The following CNTN5 variants were observed in gnomAD, a reference collection of about 807,000 sequenced individuals.
CNTN5 encodes contactin-5.
A neutral mutation model predicts 129.1 loss-of-function variants in CNTN5; 77 were observed. The observed-to-expected ratio is 0.60, with a 90% confidence interval of 0.50 to 0.72. The LOEUF (loss-of-function observed/expected upper bound fraction) is 0.72, where lower values mean the gene tolerates loss of function less well. Among genes scored for constraint, CNTN5 ranks in the 30% least tolerant of loss-of-function variants. CNTN5 has a pLI of 0.00. For synonymous variants in CNTN5, 509 were observed against 465.6 expected (o/e 1.09, Z -1.20); for missense variants, 1,478 against 1,328.8 (o/e 1.11, Z -1.75).
intron 7 of CNTN5, among the ~76,000 whole-genome samples, chr11:99,938,201 G>A (rs1366930519): frequency 2.0e-5 from 3 of 152,114 alleles, no homozygotes; most frequent in Admixed American, 2.0e-4. Flanking sequence ...GACTCCCTAT[G>A]CTTGGAAAGT....
intron 3 of CNTN5, among the ~76,000 whole-genome samples, chr11:99,773,054 GA>G (rs932627536): frequency 6.6e-6 from 1 of 151,882 alleles, no homozygotes; most frequent in African/African-American, 2.4e-5. Flanking sequence ...CATAACTGTG[GA>G]ACCAACAACC....
chr11:100,077,521 A>G (rs1944178574), intron 13 of CNTN5, among the ~76,000 whole-genome samples: 1 of 152,104 alleles, frequency 6.6e-6, no homozygotes, highest in African/African-American at 2.4e-5. Context: ...ATAATAGTAT[A>G]TTATGAAAGA....
chr11:100,198,502 C>G (rs1484698881), intron 15 of CNTN5, among the ~76,000 whole-genome samples: 1 of 151,790 alleles, frequency 6.6e-6, no homozygotes, highest in Non-Finnish European at 1.5e-5. Flanking sequence ...GCTACCTGAC[C>G]TAGACCTCAG....
chr11:99,775,357 G>T (rs180867829), intron 3 of CNTN5, among the ~76,000 whole-genome samples: 1,704 of 151,708 alleles, frequency 0.011, 31 homozygotes, highest in African/African-American at 0.039. Flanking sequence ...ATTTCCTGGG[G>T]ATAAATGGTT....
chr11:99,280,250 G>A (rs1863633995), intron 1 of CNTN5, among the ~76,000 whole-genome samples: 1 of 151,444 alleles, frequency 6.6e-6, no homozygotes, highest in Non-Finnish European at 1.5e-5. Context: ...CCAAAACAAA[G>A]GAATAAATGG....
intron 7 of CNTN5, among the ~76,000 whole-genome samples, chr11:99,947,194 C>T (rs185115490): frequency 4.5e-4 from 68 of 151,094 alleles, no homozygotes; most frequent in Middle Eastern, 3.4e-3. Flanking sequence ...ACTAGCATAA[C>T]TTGTACCAAT....
rs541578431 is a variant in CNTN5, at chr11:99,274,976, T to A, written c.-209-50370T>A. Among the ~76,000 whole-genome samples, 8 of 151,686 alleles carry A rather than the reference T, an allele frequency of 5.3e-5. No individual in the cohort carries two copies. The South Asian group carries it at 1.7e-3, about 31-fold the overall frequency. On this transcript the variant is annotated intron_variant, in intron 1 of 24. Transcript: ENST00000524871. ...TCAAAATAGTATTGATAGTTTATAATTTGAAAGTACAAAATAATGCAAGTA... is the reference window on the plus strand; with the variant it reads ...TCAAAATAGTATTGATAGTTTATAAATTGAAAGTACAAAATAATGCAAGTA...
chr11:99,756,696 A>G (rs190587723), intron 3 of CNTN5, among the ~76,000 whole-genome samples: 92 of 152,118 alleles, frequency 6.0e-4, no homozygotes, highest in African/African-American at 2.0e-3. Flanking sequence ...AAACTTTACA[A>G]TTTTGCAGAT....
chr11:99,260,113 G>A (rs1180597300), intron 1 of CNTN5, among the ~76,000 whole-genome samples: 1 of 151,626 alleles, frequency 6.6e-6, no homozygotes, highest in Non-Finnish European at 1.5e-5. Context: ...TTTTAAATCT[G>A]TATGTAGTCT....
intron 3 of CNTN5, among the ~76,000 whole-genome samples, chr11:99,678,965 CTCTATATA>C (rs1233824821): frequency 1.3e-5 from 2 of 148,206 alleles, no homozygotes; most frequent in Non-Finnish European, 3.0e-5. Flanking sequence ...CTCTCTCTCT[CTCTATATA>C]TATATATAAA....
At chr11:99,042,565 C>G (rs1457333375) in intron 1 of CNTN5, among the ~76,000 whole-genome samples, 1 of 151,672 alleles carries the variant, frequency 6.6e-6, no homozygotes, top group Admixed American at 6.6e-5. Flanking sequence ...TCAGTAGAGA[C>G]GGGGTTTCAC....
At chr11:99,855,582 G>A (rs1020182856) in intron 6 of CNTN5, among the ~76,000 whole-genome samples, 2 of 152,150 alleles carry the variant, frequency 1.3e-5, no homozygotes, top group African/African-American at 4.8e-5. Context: ...GTCTTTAGTA[G>A]TAGAAAGAAG....
At chr11:99,644,266 T>G (rs1591411780) in intron 3 of CNTN5, among the ~76,000 whole-genome samples, 1 of 152,306 alleles carries the variant, frequency 6.6e-6, no homozygotes, top group South Asian at 2.1e-4. Context: ...TGCTTTGAGT[T>G]CCAGTTGAGC....
Position 100,170,642 on chromosome 11 carries a change from G to A in CNTN5, c.1581-20484G>A, listed in dbSNP as rs561344115. On this transcript the variant is annotated intron_variant, in intron 13 of 24. Transcript: ENST00000524871. ...AAAGGGATCAGTGATTATCTCAAAC[G>A]CACTGAGCATGTTTTATATTCTTGC... 2.8e-4 allele frequency among the ~76,000 whole-genome samples: 42 copies of A among 151,976 alleles called. No homozygotes were observed. The South Asian group carries it at 7.3e-3, about 26-fold the overall frequency.
intron 2 of CNTN5, among the ~76,000 whole-genome samples, chr11:99,411,483 G>T (rs1454286726): frequency 3.3e-5 from 5 of 152,138 alleles, no homozygotes; most frequent in African/African-American, 4.8e-5. Context: ...TCATGCTATT[G>T]TATTCCAGCC....
rs76801161 is a variant in CNTN5 at position 99,715,414 on chromosome 11, C to G, written c.56-104130C>G. Among the ~76,000 whole-genome samples the G allele has an allele frequency of 8.0e-3, 1,214 of 151,680 alleles. 17 individuals are homozygous for G. Among genetic ancestry groups the G allele is most frequent in the African/African-American group, 0.027 (1,135 of 41,384 alleles). On this transcript the variant is annotated intron_variant, in intron 3 of 24. Coordinates refer to ENST00000524871, the MANE Select transcript of CNTN5 (RefSeq NM_014361.4). ...TACTCTGAAGATAGGCAACTTGAGA[C>G]CACCAAGAGAGCAGAATAGTTGACA...
At chr11:100,108,592 G>A (rs529218187) in intron 13 of CNTN5, among the ~76,000 whole-genome samples, 337 of 152,286 alleles carry the variant, frequency 2.2e-3, no homozygotes, top group South Asian at 0.011. Flanking sequence ...GCTGGGTACA[G>A]AAGTTAAACT....
intron 3 of CNTN5, among the ~76,000 whole-genome samples, chr11:99,680,387 A>G (rs1310796601): frequency 1.3e-5 from 2 of 152,100 alleles, no homozygotes; most frequent in East Asian, 3.9e-4. Flanking sequence ...GTGCTCATAT[A>G]CCATTCCAAA....
At chr11:100,025,747 G>C (rs1449754816) in intron 9 of CNTN5, among the ~76,000 whole-genome samples, 1 of 152,158 alleles carries the variant, frequency 6.6e-6, no homozygotes, top group Non-Finnish European at 1.5e-5. Context: ...CTGGATTTTG[G>C]ACTTGTATGG....
Sources: allele counts gnomAD v4.1 joint callset (sites outside exome capture counted in the v4.1 genomes callset), GRCh38; gene constraint gnomAD v4.1.1; transcripts MANE v1.5; gene names NCBI Gene and HGNC (gene_info 2026-07-23, HGNC 2026-07-21).